MELTF: variants seen among roughly 807,000 people sequenced by gnomAD.
The protein encoded by MELTF is antigen p97 (melanoma associated) identified by monoclonal antibodies 133.2 and 96.5.
In MELTF, 67 loss-of-function variants were observed where a neutral mutation model predicts 83.7. The ratio of observed to expected loss-of-function variants is 0.80; its 90% CI spans 0.66 to 0.98. MELTF has a LOEUF of 0.98. Ranked by LOEUF, MELTF falls within the 50% of genes least tolerant of loss-of-function variation. MELTF has a pLI of 0.00. For missense variants in MELTF, 1,002 were observed against 1,035.6 expected, an observed-to-expected ratio of 0.97 and a Z score of 0.44; for synonymous variants, 462 against 447.6, an observed-to-expected ratio of 1.03 and a Z score of -0.41.
Position 197,015,422 on chromosome 3 carries a change from C to T in MELTF, c.1176G>A (p.Lys392=), listed in dbSNP as rs1174769390. ...MAVAFRRQRL[K]PEIQCVSAKS... The stretch of plus-strand genomic sequence containing the variant: ...TGGCTGACACGCACTGGATCTCTGG[C>T]TTGAGCCGCTGCCGGCGGAAGGCCA... Residue 392 remains lysine, a synonymous_variant, in exon 9 of 16, where the codon AAG becomes AAA. Coordinates refer to ENST00000296350, the MANE Select transcript of MELTF (RefSeq NM_005929.6). 6.3e-7 allele frequency: 1 copy of T among 1,595,278 alleles called. No homozygotes were observed. Among genetic ancestry groups the T allele is most frequent in the South Asian group, 1.1e-5 (1 of 87,848 alleles).
intron 2 of MELTF, 44 bp from the exon 3 acceptor site, chr3:197,026,803 G>T: frequency 1.3e-6 from 2 of 1,575,020 alleles, no homozygotes; most frequent in Non-Finnish European, 1.7e-6. Flanking sequence ...CAGCTGGCCT[G>T]CTCAGCAAAG....
At chr3:197,020,909 G>A (rs967993983) in intron 6 of MELTF, among the ~76,000 whole-genome samples, 3 of 152,048 alleles carry the variant, frequency 2.0e-5, no homozygotes, top group South Asian at 4.2e-4. Flanking sequence ...CTCGTGATCC[G>A]CCCACCTCGG....
chr3:197,027,707 C>A, intron 2 of MELTF, 49 bp downstream of exon 2: 1 of 1,571,046 alleles, frequency 6.4e-7, no homozygotes, highest in Non-Finnish European at 8.7e-7. Context: ...TGTGCTCCCT[C>A]CTGAGTCACA....
intron 9 of MELTF, among the ~76,000 whole-genome samples, chr3:197,015,109 C>T (rs1719313485): frequency 6.6e-6 from 1 of 152,198 alleles, no homozygotes; most frequent in Non-Finnish European, 1.5e-5. Flanking sequence ...AGCTCCCAGG[C>T]TCTCCAGGGG....
rs1719702739 is a variant in MELTF at position 197,023,230 on chromosome 3, C to T, written c.488-117G>A. The T allele has an allele frequency of 1.0e-5, 11 of 1,048,888 alleles. No individual in the cohort carries two copies. The Admixed American group carries it at 1.5e-4, about 14-fold the overall frequency. The allele number at this position is 1,048,888 out of a possible 1,614,324, so 65.0% of individuals were successfully genotyped here. A position where few individuals can be genotyped will look rare whatever the true frequency, so the allele number is the denominator to read the frequency against. ...TGGACTCTGCTGAGAATGGTTCCAC[C>T]TTCCAGCTTCAGTCTGAGCAAAGCT... On this transcript the variant is annotated intron_variant, in intron 4 of 15. Coordinates refer to ENST00000296350, the MANE Select transcript of MELTF (RefSeq NM_005929.6).
intron 3 of MELTF, among the ~76,000 whole-genome samples, chr3:197,025,306 C>T (rs1320195221): frequency 6.6e-6 from 1 of 152,254 alleles, no homozygotes; most frequent in African/African-American, 2.4e-5. Context: ...TTCTTGCACA[C>T]CAGGGTCTGG....
At position 197,007,805 on chromosome 3, in the gene MELTF, T is replaced by A. The variant is rs1233170364; in HGVS notation, c.1750+852A>T. 2.0e-5 allele frequency among the ~76,000 whole-genome samples: 3 copies of A among 152,188 alleles called. No homozygotes were observed. Among genetic ancestry groups the A allele is most frequent in the East Asian group, 3.9e-4 (2 of 5,194 alleles). On this transcript the variant is annotated intron_variant, in intron 13 of 15. Coordinates refer to ENST00000296350, the MANE Select transcript of MELTF (RefSeq NM_005929.6). The surrounding 1 kb of genome is among the most constrained non-coding windows in gnomAD (Gnocchi z 4.3). ...ACACTAACTGAGGTTTTCGTTTTTT[T>A]CCCTGCACGTCTTGCTTCCCATTGT...
chr3:197,016,321 C>A lies in MELTF; in HGVS notation c.949G>T (p.Ala317Ser). 6.2e-7 allele frequency: 1 copy of A among 1,609,802 alleles called. No homozygotes were observed. Among genetic ancestry groups the A allele is most frequent in the Non-Finnish European group, 8.5e-7 (1 of 1,177,918 alleles). The change falls in exon 8 of 16, where the codon GCC becomes TCC. Residue 317 changes from alanine (A) to serine (S), a missense_variant. Physicochemically the swap from Ala to Ser is moderately conservative, Grantham distance 99. Coordinates refer to ENST00000296350, the MANE Select transcript of MELTF (RefSeq NM_005929.6). The stretch of plus-strand genomic sequence containing the variant: ...AAGAGTAGATCCTTCTGGCCATAGG[C>A]CTCAGAGCTGAACATCTGGAAGCTG... Reference protein sequence around the residue: ...GSSFQMFSSEAYGQKDLLFKD... With the variant: ...GSSFQMFSSESYGQKDLLFKD...
intron 6 of MELTF, chr3:197,019,525 G>C: frequency 6.5e-7 from 1 of 1,532,456 alleles, no homozygotes; most frequent in Non-Finnish European, 8.8e-7. Context: ...ATCAGTTGAG[G>C]CTGGGGGTTT....
intron 6 of MELTF, chr3:197,019,526 C>A: frequency 6.5e-7 from 1 of 1,533,024 alleles, no homozygotes. Flanking sequence ...TCAGTTGAGG[C>A]TGGGGGTTTG....
At chr3:197,017,802 G>C (rs1024014963) in intron 6 of MELTF, among the ~76,000 whole-genome samples, 1 of 152,148 alleles carries the variant, frequency 6.6e-6, no homozygotes, top group South Asian at 2.1e-4. Context: ...GTGTGAACCT[G>C]GGAGGCGGAG....
chr3:197,021,309 G>A (rs2148588991), intron 6 of MELTF, 95 bp downstream of exon 6: 1 of 1,163,446 alleles, frequency 8.6e-7, no homozygotes, highest in East Asian at 2.4e-5. Context: ...CTGCACTAGG[G>A]CGTTTGATCC....
At chr3:197,026,505 A>C in intron 3 of MELTF, 155 bp downstream of exon 3, 64 of 632,032 alleles carry the variant, frequency 1.0e-4, no homozygotes, top group East Asian at 1.4e-4. Flanking sequence ...TCCCTGGGGA[A>C]TTTGAGAGAG....
intron 14 of MELTF, among the ~76,000 whole-genome samples, chr3:197,005,052 A>G (rs141768022): frequency 6.6e-6 from 1 of 152,326 alleles, no homozygotes; most frequent in East Asian, 1.9e-4. Context: ...AGGCCTGGCG[A>G]GCCAGCCAGC....
chr3:197,009,228 A>C (rs1719093227), intron 11 of MELTF, among the ~76,000 whole-genome samples: 1 of 152,016 alleles, frequency 6.6e-6, no homozygotes, highest in African/African-American at 2.4e-5. Flanking sequence ...CAGGGATCTC[A>C]CTACCTCACT....
chr3:197,006,608 C>T lies in MELTF; in HGVS notation c.1879G>A (p.Val627Met), dbSNP rs371828705. 106 of 1,612,614 alleles carry T rather than the reference C, an allele frequency of 6.6e-5. No homozygotes were observed. The highest frequency in any genetic ancestry group is 2.5e-4 in the South Asian group (23 of 90,982). Residue 627 changes from valine to methionine, a missense_variant, in exon 14 of 16, where the codon GTG becomes ATG. Transcript: ENST00000296350. The surrounding 1 kb of genome is among the most constrained non-coding windows in gnomAD (Gnocchi z 5.4). ...CNLAQIPPHAVMVRPDTNIFT... is the reference protein window; with the variant it reads ...CNLAQIPPHAMMVRPDTNIFT... Reference sequence around the variant, plus strand: ...ATGTTGGTGTCGGGCCGGACCATCACGGCGTGGGGTGGTATCTGTGCCAGG... The same window carrying T: ...ATGTTGGTGTCGGGCCGGACCATCATGGCGTGGGGTGGTATCTGTGCCAGG...
intron 3 of MELTF, among the ~76,000 whole-genome samples, chr3:197,025,013 G>C (rs1414781085): frequency 6.6e-6 from 1 of 152,224 alleles, no homozygotes; most frequent in African/African-American, 2.4e-5. Flanking sequence ...CAGAGACAGA[G>C]AGAACTAGCG....
At chr3:197,019,722 C>T (rs1036937070) in intron 6 of MELTF, 12 of 1,612,904 alleles carry the variant, frequency 7.4e-6, no homozygotes, top group Non-Finnish European at 1.0e-5. Context: ...AGCGCATCGT[C>T]CTACGTGCTT....
In MELTF at chr3:197,024,554, C is replaced by G; in HGVS notation, c.305-69G>C. The stretch of plus-strand genomic sequence containing the variant: ...CGAGAGAGGCTGCACCAGCACCCTG[C>G]CTGGGCGGGCTGTGGGAGAGGTGTG... On this transcript the variant is annotated intron_variant, in intron 3 of 15. Coordinates refer to ENST00000296350, the MANE Select transcript of MELTF (RefSeq NM_005929.6). The surrounding 1 kb of genome is among the most constrained non-coding windows in gnomAD (Gnocchi z 5.3). The G allele has an allele frequency of 7.1e-7, 1 of 1,415,000 alleles. No individual in the cohort carries two copies. Among genetic ancestry groups the G allele is most frequent in the Non-Finnish European group, 9.6e-7 (1 of 1,042,924 alleles). 87.7% of individuals were successfully genotyped at this position (1,415,000 alleles called of 1,614,324 possible).
Sources: allele counts gnomAD v4.1 joint callset (sites outside exome capture counted in the v4.1 genomes callset), GRCh38; gene constraint gnomAD v4.1.1; non-coding constraint Gnocchi (gnomAD v3.1); transcripts MANE v1.5; gene names NCBI Gene and HGNC (gene_info 2026-07-23, HGNC 2026-07-21).